ALMS1: variants seen among roughly 807,000 people sequenced by gnomAD.
The protein encoded by ALMS1 is ALMS1 centrosome and basal body associated protein.
Under a neutral mutation model 352.2 loss-of-function variants are expected in ALMS1, and 271 were observed. The ratio of observed to expected loss-of-function variants is 0.77; its 90% CI spans 0.70 to 0.85. The LOEUF (loss-of-function observed/expected upper bound fraction) is 0.85. Among genes scored for constraint, ALMS1 ranks in the 40% least tolerant of loss-of-function variants. ALMS1 has a pLI of 0.00. For missense variants in ALMS1, 5,445 were observed against 4,870.7 expected (o/e 1.12, Z -3.51); for synonymous variants, 1,865 against 1,761.2 (o/e 1.06, Z -1.48).
rs542417141 is a variant in ALMS1 at position 73,588,808 on chromosome 2, C to G, written c.11548-10593C>G. Among the ~76,000 whole-genome samples the G allele has an allele frequency of 3.4e-4, 51 of 152,210 alleles. No individual in the cohort carries two copies. The South Asian group carries it at 3.5e-3, about 11-fold the overall frequency. On this transcript the variant is annotated intron_variant, in intron 16 of 22. Transcript: ENST00000613296. Reference sequence around the variant, plus strand: ...AGAAAAGAAAATGAGAGCTTTATGTCCAACTAAATGTTTATTAATGTTTCA... The same window carrying G: ...AGAAAAGAAAATGAGAGCTTTATGTGCAACTAAATGTTTATTAATGTTTCA...
chr2:73,476,307 A>C (rs1473757683), intron 9 of ALMS1, among the ~76,000 whole-genome samples: 1 of 152,150 alleles, frequency 6.6e-6, no homozygotes, highest in Non-Finnish European at 1.5e-5. Context: ...GTTGATAGAC[A>C]CTTGAGTTGC....
chr2:73,454,101 A>G, intron 8 of ALMS1, 34 bp downstream of exon 8: 8 of 1,574,496 alleles, frequency 5.1e-6, no homozygotes, highest in African/African-American at 1.4e-5. Flanking sequence ...TAAACGTTAT[A>G]GTTTAATAAT....
intron 11 of ALMS1, among the ~76,000 whole-genome samples, chr2:73,527,014 G>A (rs924514371): frequency 7.2e-5 from 11 of 151,930 alleles, no homozygotes; most frequent in Middle Eastern, 3.2e-3. Flanking sequence ...TTTTTTCATC[G>A]TCAATTGAAA....
At position 73,490,378 on chromosome 2, in the gene ALMS1, C is replaced by A. The variant is rs1314753569; in HGVS notation, c.8419C>A (p.Gln2807Lys). ...ACCTGTTGATTTTGAGCGTTCTTTT[C>A]AAGAAGAAAAACCCTTAGAAAGATC... ...KLPVDFERSF[Q>K]EEKPLERSDF... The change falls in exon 10 of 23, where the codon CAA becomes AAA. Residue 2807 changes from glutamine (Q) to lysine (K), a missense_variant. Coordinates refer to ENST00000613296, the MANE Select transcript of ALMS1 (RefSeq NM_001378454.1). The A allele has an allele frequency of 1.4e-5, 23 of 1,613,252 alleles. No homozygotes were observed. The highest frequency in any genetic ancestry group is 1.9e-5 in the Non-Finnish European group (22 of 1,179,712).
Position 73,572,707 on chromosome 2 carries a change from G to A in ALMS1, c.10830G>A (p.Arg3610=), listed in dbSNP as rs767806649. 2 of 1,614,058 alleles carry A rather than the reference G, an allele frequency of 1.2e-6. No homozygotes were observed. Among genetic ancestry groups the A allele is most frequent in the Non-Finnish European group, 1.7e-6 (2 of 1,179,994 alleles). Residue 3610 remains arginine (R), a synonymous_variant, in exon 16 of 23, where the codon AGG becomes AGA. Coordinates refer to ENST00000613296, the MANE Select transcript of ALMS1 (RefSeq NM_001378454.1). ...GGAACAAGTATCGGGAGCGACAGAG[G>A]CAACAGAGACAGCCTGAGTTGGGTG... The part of the protein sequence containing the change: ...ELWNKYRERQ[R]QQRQPELGDR...
At chr2:73,397,505 T>C (rs1187617304) in intron 1 of ALMS1, among the ~76,000 whole-genome samples, 1 of 152,156 alleles carries the variant, frequency 6.6e-6, no homozygotes, top group African/African-American at 2.4e-5. Context: ...TTCGCTCTTG[T>C]TGCCTAGGCT....
At chr2:73,464,556 C>T (rs529172589) in intron 9 of ALMS1, among the ~76,000 whole-genome samples, 5 of 152,200 alleles carry the variant, frequency 3.3e-5, no homozygotes, top group African/African-American at 1.2e-4. Context: ...TGCCCTCTCT[C>T]ACCACTCCTA....
At chr2:73,570,126 C>T (rs772316387) in intron 15 of ALMS1, among the ~76,000 whole-genome samples, 3 of 152,110 alleles carry the variant, frequency 2.0e-5, no homozygotes, top group Non-Finnish European at 2.9e-5. Flanking sequence ...AAGAATAACT[C>T]CCAGATTTTG....
chr2:73,552,092 T>C (rs964415957), intron 13 of ALMS1, among the ~76,000 whole-genome samples: 8 of 152,188 alleles, frequency 5.3e-5, no homozygotes, highest in South Asian at 4.1e-4. Context: ...TTAGGGTACA[T>C]GTGCACAATG....
chr2:73,472,964 C>T, intron 9 of ALMS1, among the ~76,000 whole-genome samples: 1 of 151,868 alleles, frequency 6.6e-6, no homozygotes, highest in East Asian at 1.9e-4. Flanking sequence ...AAAATTAGGA[C>T]AATGAATAGG....
intron 7 of ALMS1, among the ~76,000 whole-genome samples, chr2:73,446,738 CTA>C (rs983035717): frequency 3.9e-5 from 6 of 152,036 alleles, no homozygotes; most frequent in Non-Finnish European, 7.4e-5. Context: ...TCTAGAAAAA[CTA>C]TGTATCTTTG....
chr2:73,557,175 T>G, intron 13 of ALMS1, 45 bp from the exon 14 acceptor site: 2 of 1,613,264 alleles, frequency 1.2e-6, no homozygotes, highest in Non-Finnish European at 1.7e-6. Flanking sequence ...TCTGTTGTGT[T>G]TATTATCTTT....
At position 73,490,440 on chromosome 2, in the gene ALMS1, G is replaced by A. The variant is rs2056486; in HGVS notation, c.8481G>A (p.Arg2827=). 1 of 1,613,866 alleles carries A rather than the reference G, an allele frequency of 6.2e-7. No individual in the cohort carries two copies. The highest frequency in any genetic ancestry group is 8.5e-7 in the Non-Finnish European group (1 of 1,179,970). The change falls in exon 10 of 23, where the codon AGG becomes AGA. Residue 2827 remains arginine, a synonymous_variant. Coordinates refer to ENST00000613296, the MANE Select transcript of ALMS1 (RefSeq NM_001378454.1). ...FTGSHSEPST[R]ANCSNFKEIQ... ...GCAGTCATTCTGAGCCCAGTACCAG[G>A]GCAAATTGTAGCAATTTCAAGGAAA... is the stretch of plus-strand genomic sequence containing the variant.
At chr2:73,422,591 T>C (rs1671305806) in intron 3 of ALMS1, among the ~76,000 whole-genome samples, 1 of 152,154 alleles carries the variant, frequency 6.6e-6, no homozygotes, top group Non-Finnish European at 1.5e-5. Flanking sequence ...TTTGTAATCA[T>C]GTTTCCTCAC....
At chr2:73,605,128 G>A (rs1447732808) in intron 21 of ALMS1, among the ~76,000 whole-genome samples, 2 of 152,178 alleles carry the variant, frequency 1.3e-5, no homozygotes. Context: ...TCTGACTTGT[G>A]TTTGTAGCAG....
At chr2:73,549,669 A>G (rs940017650) in intron 12 of ALMS1, among the ~76,000 whole-genome samples, 1 of 152,148 alleles carries the variant, frequency 6.6e-6, no homozygotes, top group African/African-American at 2.4e-5. Context: ...CCTTCCTCCA[A>G]AACCATCATG....
At chr2:73,514,777 G>C (rs1376895671) in intron 10 of ALMS1, among the ~76,000 whole-genome samples, 1 of 151,982 alleles carries the variant, frequency 6.6e-6, no homozygotes, top group African/African-American at 2.4e-5. Flanking sequence ...TTATTTGTTT[G>C]GTTTAAGAAA....
In ALMS1 at chr2:73,449,656, A is replaced by C. The variant is rs1671885654; in HGVS notation, c.3129A>C (p.Pro1043=). 6.2e-7 allele frequency: 1 copy of C among 1,614,000 alleles called. No individual in the cohort carries two copies. Among genetic ancestry groups the C allele is most frequent in the Non-Finnish European group, 8.5e-7 (1 of 1,179,960 alleles). The change falls in exon 8 of 23, where the codon CCA becomes CCC. Residue 1043 remains proline (P), a synonymous_variant. Transcript: ENST00000613296. ...PGPADQKTEI[P]AVQSSSYPQR... Reference sequence around the variant, plus strand: ...CAGCTGACCAGAAGACTGAGATACCAGCAGTACAGTCTAGTTCTTACCCAC... The same window carrying C: ...CAGCTGACCAGAAGACTGAGATACCCGCAGTACAGTCTAGTTCTTACCCAC...
intron 15 of ALMS1, among the ~76,000 whole-genome samples, chr2:73,566,428 C>T (rs1272601671): frequency 6.6e-6 from 1 of 152,112 alleles, no homozygotes; most frequent in Non-Finnish European, 1.5e-5. Flanking sequence ...TACGGACATG[C>T]TGGATAAAGG....
Sources: allele counts gnomAD v4.1 joint callset (sites outside exome capture counted in the v4.1 genomes callset), GRCh38; gene constraint gnomAD v4.1.1; transcripts MANE v1.5; gene names NCBI Gene and HGNC (gene_info 2026-07-23, HGNC 2026-07-21).